RNASEH2B: variants seen among roughly 807,000 people sequenced by gnomAD.
RNASEH2B encodes the protein ribonuclease H2 subunit B.
A neutral mutation model predicts 45.0 loss-of-function variants in RNASEH2B; 36 were observed. The ratio of observed to expected loss-of-function variants is 0.80; its 90% confidence interval spans 0.61 to 1.06. The LOEUF (loss-of-function observed/expected upper bound fraction) is 1.06, where lower values mean the gene tolerates loss of function less well. Among genes scored for constraint, RNASEH2B ranks in the 50% least tolerant of loss-of-function variants. The pLI, the probability that RNASEH2B is intolerant of heterozygous loss-of-function variation, is 0.00. For missense variants in RNASEH2B, 361 were observed against 360.3 expected (o/e 1.00, Z -0.02); for synonymous variants, 119 against 125.7 (o/e 0.95, Z 0.35).
chr13:50,956,456 A>G lies in RNASEH2B; in HGVS notation c.921A>G (p.Lys307=). 6.3e-7 allele frequency: 1 copy of G among 1,597,062 alleles called. No homozygotes were observed. The highest frequency in any genetic ancestry group is 8.6e-7 in the Non-Finnish European group (1 of 1,169,358). ...CCTTTTTTGGGGTAAAAAATAAAAA[A>G]AAAATTGGAAAGGTTTGAAACTTTG... The part of the protein sequence containing the change: ...IDTFFGVKNK[K]KIGKV The change falls in exon 11 of 11, where the codon AAA becomes AAG. Residue 307 remains lysine (K), a synonymous_variant. Transcript: ENST00000336617.
intron 1 of RNASEH2B, among the ~76,000 whole-genome samples, chr13:50,924,686 G>A (rs1951569377): frequency 6.6e-6 from 1 of 152,018 alleles, no homozygotes. Flanking sequence ...AGCCTCCCGA[G>A]TAGCTGGGAC....
chr13:50,970,235 A>T, exon 10 of RNASEH2B: 2 of 565,106 alleles, frequency 3.5e-6, no homozygotes, highest in South Asian at 5.0e-5. Flanking sequence ...GAGGACCTCA[A>T]GCTTGGGTCA....
exon 10 of RNASEH2B, chr13:50,970,106 T>C (rs893221964): frequency 1.3e-6 from 1 of 788,710 alleles, no homozygotes; most frequent in Non-Finnish European, 2.2e-6. Flanking sequence ...TGTAAATGCT[T>C]TATTTCTTTG....
intron 9 of RNASEH2B, among the ~76,000 whole-genome samples, chr13:50,962,432 G>A (rs1952120738): frequency 1.3e-5 from 2 of 151,754 alleles, no homozygotes; most frequent in African/African-American, 4.8e-5. Context: ...TGCCAGTTTT[G>A]GTAATTTATG....
chr13:50,953,635 G>T, intron 9 of RNASEH2B: 1 of 502,044 alleles, frequency 2.0e-6, no homozygotes, highest in Admixed American at 3.4e-5. Flanking sequence ...TACAAAGCCT[G>T]TGTTTGCTGG....
At chr13:50,944,776 T>G (rs1452408906) in intron 6 of RNASEH2B, among the ~76,000 whole-genome samples, 1 of 152,158 alleles carries the variant, frequency 6.6e-6, no homozygotes, top group African/African-American at 2.4e-5. Context: ...AGTGCCATGT[T>G]TCATTTTTTA....
At chr13:50,932,471 G>A (rs571288216) in intron 4 of RNASEH2B, among the ~76,000 whole-genome samples, 28 of 152,258 alleles carry the variant, frequency 1.8e-4, no homozygotes, top group Admixed American at 9.8e-4. Context: ...CATAAATGGC[G>A]GTGAGGATCC....
At chr13:50,916,499 T>C (rs1179894024) in intron 1 of RNASEH2B, among the ~76,000 whole-genome samples, 1 of 152,250 alleles carries the variant, frequency 6.6e-6, no homozygotes, top group Non-Finnish European at 1.5e-5. Context: ...TACTTATTGC[T>C]TCAGACAGTA....
At chr13:50,968,654 T>G (rs1827630031) in intron 9 of RNASEH2B, among the ~76,000 whole-genome samples, 2 of 152,234 alleles carry the variant, frequency 1.3e-5, no homozygotes, top group South Asian at 4.1e-4. Flanking sequence ...AAAATCACAT[T>G]TATTCTGCTG....
intron 1 of RNASEH2B, among the ~76,000 whole-genome samples, chr13:50,926,205 G>C (rs1951593245): frequency 6.6e-6 from 1 of 151,854 alleles, no homozygotes; most frequent in East Asian, 1.9e-4. Flanking sequence ...AAGAAAAAAT[G>C]GTCGTATTTT....
intron 1 of RNASEH2B, among the ~76,000 whole-genome samples, chr13:50,924,300 A>G (rs968612734): frequency 2.6e-5 from 4 of 152,200 alleles, no homozygotes; most frequent in African/African-American, 7.2e-5. Context: ...ACTTACACAC[A>G]CTTTAAATTT....
chr13:50,940,703 T>C (rs1026238816), intron 5 of RNASEH2B: 3 of 152,152 alleles, frequency 2.0e-5, no homozygotes, highest in African/African-American at 7.2e-5. Context: ...CCCGGTTAGT[T>C]TGTTTAGTCT....
Position 50,929,515 on chromosome 13 carries a change from G to A in RNASEH2B, c.177G>A (p.Gln59=), listed in dbSNP as rs141881672. 3.7e-6 allele frequency: 6 copies of A among 1,613,766 alleles called. No individual in the cohort carries two copies. In the African/African-American group the frequency reaches 5.3e-5, roughly 14 times the overall value. Reference sequence around the variant, plus strand: ...ACTTGTTCAATATGTGTCTACAGCAGCTGTTTGAAGTAAAAGTTTTCAAGG... The same window carrying A: ...ACTTGTTCAATATGTGTCTACAGCAACTGTTTGAAGTAAAAGTTTTCAAGG... ...AIYLFNMCLQ[Q]LFEVKVFKEK... Residue 59 remains glutamine, a synonymous_variant, in exon 3 of 11, where the codon CAG becomes CAA. Coordinates refer to ENST00000336617, the MANE Select transcript of RNASEH2B (RefSeq NM_024570.4).
chr13:50,919,043 C>G (rs768031625), intron 1 of RNASEH2B, among the ~76,000 whole-genome samples: 2 of 152,176 alleles, frequency 1.3e-5, no homozygotes, highest in African/African-American at 2.4e-5. Flanking sequence ...GAGTTTATCT[C>G]CTGTGTGCCA....
chr13:50,933,322 G>A (rs1260926739), intron 4 of RNASEH2B, among the ~76,000 whole-genome samples: 3 of 152,212 alleles, frequency 2.0e-5, no homozygotes, highest in African/African-American at 7.2e-5. Flanking sequence ...CACCTCCAGG[G>A]TGCTATGGCG....
chr13:50,926,468 AGT>A (rs1392368331), intron 1 of RNASEH2B, among the ~76,000 whole-genome samples: 1 of 152,134 alleles, frequency 6.6e-6, no homozygotes. Context: ...ATATATGAAG[AGT>A]GTTACCAATA....
At chr13:50,935,215 A>G in intron 5 of RNASEH2B, 1 of 559,282 alleles carries the variant, frequency 1.8e-6, no homozygotes, top group Non-Finnish European at 3.2e-6. Context: ...GCCTACGTCC[A>G]CAGGGCAGGA....
chr13:50,955,622 A>T (rs1294050267), intron 10 of RNASEH2B: 1 of 152,250 alleles, frequency 6.6e-6, no homozygotes. Flanking sequence ...ACTTTGTCTT[A>T]CAGTTCCCAG....
intron 3 of RNASEH2B, chr13:50,930,005 A>G (rs547788250): frequency 1.5e-5 from 4 of 260,766 alleles, no homozygotes; most frequent in South Asian, 1.4e-4. Flanking sequence ...GCTTTGTCAT[A>G]TACCTGCCTG....
Sources: gnomAD v4.1 joint callset for allele counts (sites outside exome capture counted in the v4.1 genomes callset) on GRCh38, gnomAD v4.1.1 for gene constraint, MANE v1.5 for transcripts, NCBI Gene and HGNC (gene_info 2026-07-23, HGNC 2026-07-21) for gene names.